The following FRMD4B variants were observed in gnomAD, a reference collection of about 807,000 sequenced individuals.
FRMD4B encodes the protein FERM domain-containing protein 4B.
FRMD4B carries 74 observed loss-of-function variants against 141.5 expected under a neutral mutation model. The observed-to-expected ratio is 0.52, with a 90% CI of 0.43 to 0.63. The LOEUF is 0.63. FRMD4B is among the 30% of genes least tolerant of loss of function. The probability of loss-of-function intolerance (pLI) is 0.00; values close to 1 mark genes in which losing one functional copy is unlikely to be tolerated. For synonymous variants in FRMD4B, 506 were observed against 467.9 expected, an observed-to-expected ratio of 1.08 and a Z score of -1.05; for missense variants, 1,366 against 1,253.4, an observed-to-expected ratio of 1.09 and a Z score of -1.36.
At chr3:69,289,789 G>T (rs1392887147) in intron 4 of FRMD4B, among the ~76,000 whole-genome samples, 1 of 152,076 alleles carries the variant, frequency 6.6e-6, no homozygotes, top group African/African-American at 2.4e-5. Context: ...AACAGAGGGA[G>T]ACTCTGTCTC....
chr3:69,326,119 A>ATTTTTT (rs371350022), intron 1 of FRMD4B, among the ~76,000 whole-genome samples: 1,510 of 133,616 alleles, frequency 0.011, 27 homozygotes, highest in African/African-American at 0.041. Context: ...TGGCTAATCA[A>ATTTTTT]TTTTTTTTTT....
At chr3:69,370,355 C>T (rs1298986111) in intron 1 of FRMD4B, among the ~76,000 whole-genome samples, 1 of 152,182 alleles carries the variant, frequency 6.6e-6, no homozygotes, top group African/African-American at 2.4e-5. Context: ...ACACTCAGGG[C>T]TGACAAGAAC....
At chr3:69,196,672 T>C (rs751177489) in intron 13 of FRMD4B, 1 of 578,354 alleles carries the variant, frequency 1.7e-6, no homozygotes, top group Non-Finnish European at 3.0e-6. Flanking sequence ...GTCACCAGTA[T>C]ATACAAACGT....
Position 69,187,691 on chromosome 3 carries a change from T to C in FRMD4B, c.1919+79A>G, listed in dbSNP as rs1575590529. ...GGATAAATAAAAACATGTGAAAATGTATCAACCATACATTGCATTTTGGAG... is the reference window on the plus strand; with the variant it reads ...GGATAAATAAAAACATGTGAAAATGCATCAACCATACATTGCATTTTGGAG... On this transcript the variant is annotated intron_variant, in intron 19 of 22. Transcript: ENST00000398540. The C allele has an allele frequency of 3.9e-6, 5 of 1,286,898 alleles. No individual in the cohort carries two copies. In the East Asian group the frequency reaches 7.2e-5, roughly 19 times the overall value. 79.7% of individuals were successfully genotyped at this position (1,286,898 alleles called of 1,614,324 possible). A position where few individuals can be genotyped will look rare whatever the true frequency, so the allele number is the denominator to read the frequency against.
At chr3:69,367,081 AATGGAC>A (rs1331929644) in intron 1 of FRMD4B, among the ~76,000 whole-genome samples, 6 of 152,218 alleles carry the variant, frequency 3.9e-5, no homozygotes, top group Middle Eastern at 3.4e-3. Context: ...ATCATTTTTA[AATGGAC>A]ATACTAGACA....
chr3:69,486,260 G>T (rs1706214013), intron 1 of FRMD4B, among the ~76,000 whole-genome samples: 1 of 152,160 alleles, frequency 6.6e-6, no homozygotes, highest in South Asian at 2.1e-4. Context: ...GGGTAAAGGT[G>T]GTTTTTGGTT....
chr3:69,321,596 G>A (rs527673040), intron 1 of FRMD4B, among the ~76,000 whole-genome samples: 3 of 152,280 alleles, frequency 2.0e-5, no homozygotes, highest in Admixed American at 1.3e-4. Context: ...CACTGTCTCC[G>A]CAGGGCCTAG....
At chr3:69,541,662 C>T (rs1253853870) in intron 1 of FRMD4B, among the ~76,000 whole-genome samples, 2 of 152,142 alleles carry the variant, frequency 1.3e-5, no homozygotes, top group Non-Finnish European at 2.9e-5. Flanking sequence ...GTGAAATACT[C>T]CACAAAATAA....
intron 5 of FRMD4B, among the ~76,000 whole-genome samples, chr3:69,286,497 A>G (rs1004690426): frequency 2.0e-5 from 3 of 152,214 alleles, no homozygotes; most frequent in African/African-American, 7.2e-5. Flanking sequence ...TAAAGTAACC[A>G]TGGAAACAAC....
intron 5 of FRMD4B, among the ~76,000 whole-genome samples, chr3:69,265,312 A>T: frequency 7.9e-6 from 1 of 127,150 alleles, no homozygotes; most frequent in Non-Finnish European, 1.6e-5. Flanking sequence ...ATATATATAT[A>T]TATGCAGATA....
rs765268712 is a variant in FRMD4B, at chr3:69,181,341, A to C, written c.2409T>G (p.Ser803Arg). ...YSKSQEPPSS[S>R]YYIAGYTPYA... ...AGGGTGTGTACCCGGCAATGTAGTA[A>C]CTGGAAGACGGTGGCTCCTGACTCT... The change falls in exon 21 of 23, where the codon AGT (serine) becomes AGG (arginine). Residue 803 changes from serine to arginine, a missense_variant. Coordinates refer to ENST00000398540, the MANE Select transcript of FRMD4B (RefSeq NM_015123.3). 2 of 1,613,860 alleles carry C rather than the reference A, an allele frequency of 1.2e-6. No homozygotes were observed. The highest frequency in any genetic ancestry group is 1.7e-6 in the Non-Finnish European group (2 of 1,179,868).
At chr3:69,233,434 C>T (rs1416101787) in intron 7 of FRMD4B, among the ~76,000 whole-genome samples, 1 of 149,532 alleles carries the variant, frequency 6.7e-6, no homozygotes, top group Non-Finnish European at 1.5e-5. Context: ...CAATGAGCCA[C>T]GATCGCCTAC....
chr3:69,360,295 T>G (rs947085296), intron 1 of FRMD4B, among the ~76,000 whole-genome samples: 1 of 152,210 alleles, frequency 6.6e-6, no homozygotes, highest in Non-Finnish European at 1.5e-5. Flanking sequence ...CTATATGTAT[T>G]ATTTTGAAGC....
At chr3:69,427,655 T>TTTTTTTTTG (rs1705108193) in intron 2 of FRMD4B, among the ~76,000 whole-genome samples, 1 of 124,242 alleles carries the variant, frequency 8.0e-6, no homozygotes, top group Non-Finnish European at 1.7e-5. Context: ...TTTTTTTTTT[T>TTTTTTTTTG]TTTTTTTTTT....
chr3:69,221,896 C>G lies in FRMD4B; in HGVS notation c.693G>C (p.Leu231Phe), dbSNP rs778869317. 6.4e-7 allele frequency: 1 copy of G among 1,566,640 alleles called. No homozygotes were observed. The change falls in exon 9 of 23, where the codon TTG becomes TTC. Residue 231 changes from leucine to phenylalanine, a missense_variant. Coordinates refer to ENST00000398540, the MANE Select transcript of FRMD4B (RefSeq NM_015123.3). ...YCEDRVIEHY[L>F]KIKGLTRGQA... ...GACCTCGAGTGAGACCTTTGATTTT[C>G]AAATAATGCTCAATTACCCTGTCCT...
chr3:69,395,581 G>T (rs2106736019), intron 2 of FRMD4B, among the ~76,000 whole-genome samples: 1 of 152,188 alleles, frequency 6.6e-6, no homozygotes, highest in South Asian at 2.1e-4. Context: ...CAACTATTTG[G>T]CCCTTAGCAG....
At chr3:69,176,488 A>G (rs1369831682) in intron 22 of FRMD4B, 36 bp downstream of exon 22, 9 of 1,575,400 alleles carry the variant, frequency 5.7e-6, no homozygotes, top group South Asian at 1.1e-5. Flanking sequence ...TTGAACTGGA[A>G]CAGGCTCCTA....
At chr3:69,347,803 T>C (rs1702997066) in intron 1 of FRMD4B, among the ~76,000 whole-genome samples, 1 of 152,120 alleles carries the variant, frequency 6.6e-6, no homozygotes, top group Non-Finnish European at 1.5e-5. Context: ...AGACACAACA[T>C]ACCAGAATCT....
chr3:69,216,557 A>G (rs1389880363), intron 10 of FRMD4B, among the ~76,000 whole-genome samples: 2 of 149,182 alleles, frequency 1.3e-5, no homozygotes, highest in Non-Finnish European at 2.9e-5. Flanking sequence ...CAGCCTCCCT[A>G]GCAGCTGGGA....
Sources: gnomAD v4.1 joint callset for allele counts (sites outside exome capture counted in the v4.1 genomes callset) on GRCh38, gnomAD v4.1.1 for gene constraint, MANE v1.5 for transcripts, NCBI Gene and HGNC (gene_info 2026-07-23, HGNC 2026-07-21) for gene names.